Variants in RGS7 observed in about 807,000 individuals in gnomAD.
The protein encoded by RGS7 is regulator of G-protein signaling 7.
A neutral mutation model predicts 81.1 loss-of-function variants in RGS7; 27 were observed. The ratio of observed to expected loss-of-function variants is 0.33; its 90% CI spans 0.25 to 0.46. The LOEUF (loss-of-function observed/expected upper bound fraction) is 0.46, where lower values mean the gene tolerates loss of function less well. Ranked by LOEUF, RGS7 falls within the 20% of genes least tolerant of loss-of-function variation. The pLI, the probability that RGS7 is intolerant of heterozygous loss-of-function variation, is 1.00. For missense variants in RGS7, 396 were observed against 607.4 expected, an observed-to-expected ratio of 0.65 and a Z score of 3.66; for synonymous variants, 208 against 207.7, an observed-to-expected ratio of 1.00 and a Z score of -0.01.
chr1:241,305,393 T>C (rs1414805485), intron 2 of RGS7, among the ~76,000 whole-genome samples: 2 of 152,158 alleles, frequency 1.3e-5, no homozygotes, highest in African/African-American at 4.8e-5. Context: ...CTGTTGCTAA[T>C]AAGCATGTCA....
chr1:241,269,768 C>T (rs143900036), intron 2 of RGS7, among the ~76,000 whole-genome samples: 6 of 152,264 alleles, frequency 3.9e-5, no homozygotes, highest in African/African-American at 4.8e-5. Flanking sequence ...ATTCTCAATT[C>T]GATGTATTGG....
At chr1:241,221,514 A>T (rs1361207845) in intron 2 of RGS7, among the ~76,000 whole-genome samples, 2 of 152,200 alleles carry the variant, frequency 1.3e-5, no homozygotes, top group Non-Finnish European at 2.9e-5. Context: ...AATGAAGCCT[A>T]CCCATACATG....
chr1:241,027,587 G>C (rs2059857100), intron 3 of RGS7, among the ~76,000 whole-genome samples: 1 of 151,668 alleles, frequency 6.6e-6, no homozygotes, highest in South Asian at 2.1e-4. Context: ...GATGAAAAGG[G>C]AGATGAGAAT....
At chr1:241,274,696 G>A (rs1217365885) in intron 2 of RGS7, among the ~76,000 whole-genome samples, 2 of 152,094 alleles carry the variant, frequency 1.3e-5, no homozygotes, top group African/African-American at 4.8e-5. Flanking sequence ...ACTTTTCCAG[G>A]TTTAAAATGA....
rs2064015578 is a variant in RGS7, at chr1:241,093,357, C to A, written c.175+5309G>T. ...TTAAACCTCTGCTAAAGGAACTTAC[C>A]TTGGTTCCTCGTACAAGTTAGTTAC... On this transcript the variant is annotated intron_variant, in intron 3 of 18. Transcript: ENST00000440928. 2.0e-5 allele frequency among the ~76,000 whole-genome samples: 3 copies of A among 152,192 alleles called. No homozygotes were observed. In the South Asian group the frequency reaches 6.2e-4, roughly 32 times the overall value.
chr1:240,905,934 G>C (rs1317858907), intron 6 of RGS7, among the ~76,000 whole-genome samples: 1 of 152,162 alleles, frequency 6.6e-6, no homozygotes, highest in Non-Finnish European at 1.5e-5. Flanking sequence ...GGTCATGTCA[G>C]TTACGATGTG....
intron 2 of RGS7, among the ~76,000 whole-genome samples, chr1:241,223,056 G>C (rs2075108373): frequency 6.6e-6 from 1 of 152,076 alleles, no homozygotes; most frequent in South Asian, 2.1e-4. Context: ...TCTTTATCCA[G>C]TCTATTATTG....
At position 240,806,234 on chromosome 1, in the gene RGS7, C is replaced by G. The variant is rs762316382; in HGVS notation, c.1175G>C (p.Gly392Ala). ...QEIWQEFLAP[G>A]APSAINLDSK... Reference sequence around the variant, plus strand: ...ATCCAAGTTAATAGCACTGGGGGCTCCGGGAGCCAGAAACTCTTGCCATAT... The same window carrying G: ...ATCCAAGTTAATAGCACTGGGGGCTGCGGGAGCCAGAAACTCTTGCCATAT... The change falls in exon 15 of 19, where the codon GGA becomes GCA. Residue 392 changes from glycine to alanine, a missense_variant. Coordinates refer to ENST00000440928, the MANE Select transcript of RGS7 (RefSeq NM_001364886.1). 1 of 1,613,986 alleles carries G rather than the reference C, an allele frequency of 6.2e-7. No homozygotes were observed. The highest frequency in any genetic ancestry group is 8.5e-7 in the Non-Finnish European group (1 of 1,179,948).
intron 4 of RGS7, among the ~76,000 whole-genome samples, chr1:240,970,865 G>C (rs1465258444): frequency 6.6e-6 from 1 of 152,062 alleles, no homozygotes; most frequent in Non-Finnish European, 1.5e-5. Context: ...TGTAATCCCA[G>C]CTACACAGGG....
At chr1:241,031,572 A>G (rs1413227629) in intron 3 of RGS7, among the ~76,000 whole-genome samples, 1 of 152,174 alleles carries the variant, frequency 6.6e-6, no homozygotes, top group Non-Finnish European at 1.5e-5. Flanking sequence ...CCATAGAAGT[A>G]CTAATTTGCA....
intron 4 of RGS7, among the ~76,000 whole-genome samples, chr1:240,952,288 A>T (rs1558515551): frequency 6.6e-6 from 1 of 152,118 alleles, no homozygotes; most frequent in Non-Finnish European, 1.5e-5. Context: ...GTTTAAAATA[A>T]TAGTAACAGT....
intron 6 of RGS7, among the ~76,000 whole-genome samples, chr1:240,911,181 T>A (rs1313877532): frequency 6.6e-6 from 1 of 152,154 alleles, no homozygotes; most frequent in Non-Finnish European, 1.5e-5. Flanking sequence ...TTGAACACCA[T>A]ACCACTGACT....
chr1:240,807,156 A>T (rs1688999490), intron 14 of RGS7, among the ~76,000 whole-genome samples: 1 of 152,224 alleles, frequency 6.6e-6, no homozygotes, highest in Non-Finnish European at 1.5e-5. Flanking sequence ...TGATAATAGC[A>T]AGTGGTAAAG....
intron 4 of RGS7, among the ~76,000 whole-genome samples, chr1:240,956,206 G>T (rs1313603461): frequency 1.3e-5 from 2 of 152,158 alleles, no homozygotes; most frequent in Non-Finnish European, 2.9e-5. Flanking sequence ...GTAAGCAAGG[G>T]CTGGGAACAA....
intron 6 of RGS7, among the ~76,000 whole-genome samples, chr1:240,912,150 CAAAAAAAAAAAA>C (rs374318547): frequency 3.6e-5 from 2 of 55,782 alleles, no homozygotes; most frequent in African/African-American, 8.8e-5. Context: ...GATTCTGTCT[CAAAAAAAAAAAA>C]AAAAAAAAAA....
chr1:240,944,272 GTGTGTGTGTGTATATATATATATA>G (rs1390576680), intron 4 of RGS7, among the ~76,000 whole-genome samples: 2,899 of 37,206 alleles, frequency 0.078, 93 homozygotes, highest in Non-Finnish European at 0.12. Context: ...GTGTGTGTGT[GTGTGTGTGTGTATATATATATATA>G]TATATATATA....
chr1:241,295,829 G>A (rs1465980633), intron 2 of RGS7, among the ~76,000 whole-genome samples: 3 of 152,160 alleles, frequency 2.0e-5, no homozygotes, highest in Non-Finnish European at 4.4e-5. Context: ...TGGTCTCAGT[G>A]ACAAAAGAGA....
chr1:240,950,328 G>C (rs1679350442), intron 4 of RGS7, among the ~76,000 whole-genome samples: 1 of 152,110 alleles, frequency 6.6e-6, no homozygotes, highest in Non-Finnish European at 1.5e-5. Context: ...AAAATGCCCA[G>C]AGCCCTCTCT....
chr1:241,047,817 G>A (rs1169640831), intron 3 of RGS7, among the ~76,000 whole-genome samples: 1 of 134,346 alleles, frequency 7.4e-6, no homozygotes, highest in Non-Finnish European at 1.5e-5. Context: ...TCAGCTCACT[G>A]CAACCTCCGC....
Sources: gnomAD v4.1 joint callset for allele counts (sites outside exome capture counted in the v4.1 genomes callset) on GRCh38, gnomAD v4.1.1 for gene constraint, MANE v1.5 for transcripts, NCBI Gene and HGNC (gene_info 2026-07-23, HGNC 2026-07-21) for gene names.